MAJIN: variants seen among roughly 807,000 people sequenced by gnomAD.
The protein encoded by MAJIN is membrane anchored junction protein, also known as membrane-anchored junction protein.
In MAJIN, 27 loss-of-function variants were observed where a neutral mutation model predicts 30.2. That is an observed-to-expected ratio of 0.89 (90% CI 0.66 to 1.23). The LOEUF is 1.23. Ranked by LOEUF, MAJIN falls within the 50% of genes most tolerant of loss-of-function variation. MAJIN has a pLI of 0.00. For synonymous variants in MAJIN, 78 were observed against 91.6 expected (o/e 0.85, Z 0.85); for missense variants, 253 against 260.3 (o/e 0.97, Z 0.19).
chr11:64,954,722 T>C (rs376097058), intron 4 of MAJIN, 35 bp downstream of exon 4: 11 of 1,603,906 alleles, frequency 6.9e-6, no homozygotes, highest in African/African-American at 6.7e-5. Context: ...CCTTAAAGAG[T>C]AACTTTTCCA....
At position 64,949,154 on chromosome 11, in the gene MAJIN, T is replaced by A. The variant is rs375447415; in HGVS notation, c.349+589A>T. On this transcript the variant is annotated intron_variant, in intron 6 of 10. Coordinates refer to ENST00000301896, the MANE Select transcript of MAJIN (RefSeq NM_001037225.3). ...ACGGTGCAATATAGTCAGACCCCTG[T>A]CTCTACTAAAAAAAAAAAAAAAAAA... Among the ~76,000 whole-genome samples the A allele has an allele frequency of 4.5e-3, 635 of 141,448 alleles. 4 individuals are homozygous for A. The highest frequency in any genetic ancestry group is 0.016 in the African/African-American group (598 of 37,222). The allele number at this position is 141,448 out of a possible 152,430, so 92.8% of individuals were successfully genotyped here.
chr11:64,941,450 G>A (rs1488541820), intron 8 of MAJIN, among the ~76,000 whole-genome samples: 3 of 152,134 alleles, frequency 2.0e-5, no homozygotes, highest in Non-Finnish European at 4.4e-5. Context: ...GAGGTCAGCA[G>A]TTCGAGACCA....
intron 8 of MAJIN, among the ~76,000 whole-genome samples, chr11:64,942,667 C>T (rs1472842276): frequency 2.6e-5 from 4 of 152,252 alleles, no homozygotes; most frequent in Middle Eastern, 3.4e-3. Flanking sequence ...CCTCACAAAC[C>T]GCTCAAATCC....
chr11:64,940,451 G>T, intron 9 of MAJIN, 123 bp downstream of exon 9: 1 of 941,508 alleles, frequency 1.1e-6, no homozygotes, highest in Non-Finnish European at 1.7e-6. Flanking sequence ...ACCTCCACGG[G>T]AGCAAGGCAC....
chr11:64,948,567 C>G (rs1420769170), intron 6 of MAJIN, among the ~76,000 whole-genome samples: 1 of 112,268 alleles, frequency 8.9e-6, no homozygotes, highest in Admixed American at 1.2e-4. Flanking sequence ...GTAGCTGGGA[C>G]TACAGGCATG....
chr11:64,954,885 C>T, intron 3 of MAJIN, 83 bp from the exon 4 acceptor site: 2 of 1,186,606 alleles, frequency 1.7e-6, no homozygotes, highest in South Asian at 3.0e-5. Flanking sequence ...AAAAATAACA[C>T]TTCCACTGAG....
chr11:64,966,026 A>G (rs1176707749), intron 1 of MAJIN, among the ~76,000 whole-genome samples: 2 of 151,732 alleles, frequency 1.3e-5, no homozygotes, highest in Non-Finnish European at 2.9e-5. Context: ...TACCAACCGC[A>G]GGAACCCAAA....
chr11:64,946,336 A>C (rs1945451674), intron 8 of MAJIN, among the ~76,000 whole-genome samples: 1 of 152,200 alleles, frequency 6.6e-6, no homozygotes, highest in Non-Finnish European at 1.5e-5. Flanking sequence ...GCAGAATCCC[A>C]GTTTGAGACA....
intron 1 of MAJIN, among the ~76,000 whole-genome samples, chr11:64,966,145 G>GAAAA (rs58387921): frequency 0.022 from 1,245 of 57,060 alleles, 133 homozygotes; most frequent in African/African-American, 0.082. Flanking sequence ...GATTAAAAAT[G>GAAAA]AAAAAAAAAA....
chr11:64,940,827 TTTTC>T (rs1565118668), intron 8 of MAJIN, among the ~76,000 whole-genome samples, 181 bp from the exon 9 acceptor site: 1 of 126,896 alleles, frequency 7.9e-6, no homozygotes, highest in Admixed American at 8.9e-5. Flanking sequence ...TCTTTTCTTT[TTTTC>T]TTTCTTTTTT....
At chr11:64,961,757 T>C (rs1945729934) in intron 1 of MAJIN, among the ~76,000 whole-genome samples, 1 of 151,362 alleles carries the variant, frequency 6.6e-6, no homozygotes, top group African/African-American at 2.4e-5. Flanking sequence ...ATTACAGGCA[T>C]GAGCCACTGC....
chr11:64,940,223 A>T (rs1469861393), intron 9 of MAJIN, among the ~76,000 whole-genome samples: 1 of 152,242 alleles, frequency 6.6e-6, no homozygotes, highest in Non-Finnish European at 1.5e-5. Flanking sequence ...CAAAGGGAAG[A>T]GATCATTCTC....
rs1163156708 is a variant in MAJIN at position 64,971,982 on chromosome 11, G to A, written c.-170C>T. 2.6e-5 allele frequency: 4 copies of A among 152,220 alleles called. No individual in the cohort carries two copies. Among genetic ancestry groups the A allele is most frequent in the Non-Finnish European group, 4.4e-5 (3 of 68,040 alleles). The allele number at this position is 152,220 out of a possible 1,614,324, so 9.4% of individuals were successfully genotyped here. A position where few individuals can be genotyped will look rare whatever the true frequency, so the allele number is the denominator to read the frequency against. On this transcript the variant is annotated 5_prime_UTR_variant, in exon 1 of 11. Transcript: ENST00000301896. ...CCCCGGACGGAATACCCACTAAGAA[G>A]TGCTCTCTGAAAAAGGCGGGCGCCA...
chr11:64,941,695 A>G (rs1945381695), intron 8 of MAJIN, among the ~76,000 whole-genome samples: 1 of 152,192 alleles, frequency 6.6e-6, no homozygotes, highest in African/African-American at 2.4e-5. Flanking sequence ...AGACCACCCA[A>G]CGAATCCATA....
At chr11:64,941,298 G>A (rs1171273610) in intron 8 of MAJIN, among the ~76,000 whole-genome samples, 2 of 152,188 alleles carry the variant, frequency 1.3e-5, no homozygotes, top group African/African-American at 4.8e-5. Flanking sequence ...GAAATCAGGA[G>A]GACCTTAAAT....
At chr11:64,946,060 T>A in intron 8 of MAJIN, 1 of 1,517,574 alleles carries the variant, frequency 6.6e-7, no homozygotes. Context: ...AGGCTCCATT[T>A]TAGTACTAAG....
intron 1 of MAJIN, among the ~76,000 whole-genome samples, chr11:64,968,309 C>T (rs1013247223): frequency 1.3e-5 from 2 of 152,148 alleles, no homozygotes; most frequent in East Asian, 1.9e-4. Flanking sequence ...TTCTCTCTGG[C>T]GCCCAGGCTG....
At chr11:64,957,467 G>A (rs1467234752) in intron 3 of MAJIN, among the ~76,000 whole-genome samples, 2 of 151,890 alleles carry the variant, frequency 1.3e-5, no homozygotes, top group Admixed American at 6.6e-5. Context: ...GTGCAGCGGC[G>A]CGATCTGCTC....
chr11:64,940,744 T>A (rs1418117501), intron 8 of MAJIN, 98 bp from the exon 9 acceptor site: 1 of 1,073,056 alleles, frequency 9.3e-7, no homozygotes, highest in Non-Finnish European at 1.4e-6. Context: ...ATATCAGCAC[T>A]GGGGCCTGGC....
Sources: gnomAD v4.1 joint callset for allele counts (sites outside exome capture counted in the v4.1 genomes callset) on GRCh38, gnomAD v4.1.1 for gene constraint, MANE v1.5 for transcripts, NCBI Gene and HGNC (gene_info 2026-07-23, HGNC 2026-07-21) for gene names.